Variants in UGGT2 observed in about 807,000 individuals in gnomAD.
The protein encoded by UGGT2 is UDP-glucose:glycoprotein glucosyltransferase 2.
In UGGT2, 180 loss-of-function variants were observed where a neutral mutation model predicts 192.1. The observed-to-expected ratio is 0.94, with a 90% CI of 0.83 to 1.06. The LOEUF (loss-of-function observed/expected upper bound fraction) is 1.06. Ranked by LOEUF, UGGT2 falls within the 50% of genes least tolerant of loss-of-function variation. The pLI is 0.00. For synonymous variants in UGGT2, 580 were observed against 591.0 expected, an observed-to-expected ratio of 0.98 and a Z score of 0.27; for missense variants, 1,849 against 1,795.7, an observed-to-expected ratio of 1.03 and a Z score of -0.54.
At chr13:96,051,650 A>C (rs1056946871) in intron 1 of UGGT2, among the ~76,000 whole-genome samples, 1 of 151,956 alleles carries the variant, frequency 6.6e-6, no homozygotes. Context: ...GAAAAAAAAA[A>C]CAGTCCCATC....
chr13:95,822,014 CTTTT>C (rs1411100477), intron 38 of UGGT2, among the ~76,000 whole-genome samples: 1 of 151,942 alleles, frequency 6.6e-6, no homozygotes, highest in Non-Finnish European at 1.5e-5. Flanking sequence ...CAGATTTGTT[CTTTT>C]TGTTTAGGAT....
intron 27 of UGGT2, among the ~76,000 whole-genome samples, chr13:95,878,204 A>G (rs1026058942): frequency 6.6e-6 from 1 of 152,110 alleles, no homozygotes; most frequent in African/African-American, 2.4e-5. Context: ...AGACTTGGCA[A>G]GAAAGCTAAC....
At chr13:95,985,623 T>C (rs1204296913) in intron 9 of UGGT2, among the ~76,000 whole-genome samples, 2 of 152,180 alleles carry the variant, frequency 1.3e-5, no homozygotes, top group Non-Finnish European at 1.5e-5. Context: ...TCACATATTT[T>C]ATCTCTTTAG....
intron 1 of UGGT2, among the ~76,000 whole-genome samples, chr13:96,049,664 A>G (rs2139239931): frequency 6.6e-6 from 1 of 152,316 alleles, no homozygotes; most frequent in South Asian, 2.1e-4. Context: ...CAAAAATCAC[A>G]AGCATTGCTC....
chr13:95,862,854 TATATTCC>T (rs1594176650), intron 31 of UGGT2, among the ~76,000 whole-genome samples: 1 of 152,050 alleles, frequency 6.6e-6, no homozygotes, highest in East Asian at 1.9e-4. Flanking sequence ...TCTGAGACAA[TATATTCC>T]TTATGTATGT....
At chr13:96,044,606 T>C (rs1400092840) in intron 1 of UGGT2, among the ~76,000 whole-genome samples, 1 of 151,994 alleles carries the variant, frequency 6.6e-6, no homozygotes, top group Non-Finnish European at 1.5e-5. Context: ...ATTAGCAAGA[T>C]TAAACAAGAA....
At chr13:95,887,350 GA>G in intron 26 of UGGT2, 1 of 506,582 alleles carries the variant, frequency 2.0e-6, no homozygotes, top group South Asian at 1.5e-5. Flanking sequence ...GAATGACAGT[GA>G]TTCTGATCCA....
intron 22 of UGGT2, 67 bp downstream of exon 22, chr13:95,900,735 GTGACA>G (rs1161063644): frequency 1.4e-6 from 2 of 1,466,448 alleles, no homozygotes; most frequent in African/African-American, 2.8e-5. Flanking sequence ...CAGGGGAATT[GTGACA>G]GAAAAAAGGC....
chr13:96,020,963 C>T (rs1038648266), intron 4 of UGGT2, among the ~76,000 whole-genome samples: 3 of 152,164 alleles, frequency 2.0e-5, no homozygotes, highest in South Asian at 2.1e-4. Context: ...GCAGTATAAG[C>T]GTTACTATGC....
intron 36 of UGGT2, among the ~76,000 whole-genome samples, chr13:95,840,177 A>C (rs1308616067): frequency 6.6e-6 from 1 of 152,122 alleles, no homozygotes; most frequent in East Asian, 1.9e-4. Flanking sequence ...ACAGAAACAA[A>C]AGCCAAAATT....
intron 12 of UGGT2, among the ~76,000 whole-genome samples, chr13:95,958,711 G>T (rs1259720468): frequency 1.3e-5 from 2 of 151,788 alleles, no homozygotes; most frequent in African/African-American, 4.8e-5. Context: ...CTTCGAATAG[G>T]TCGTCTAAGG....
chr13:95,878,426 AT>A (rs895160590), intron 27 of UGGT2, among the ~76,000 whole-genome samples: 6 of 152,036 alleles, frequency 3.9e-5, no homozygotes, highest in Non-Finnish European at 5.9e-5. Flanking sequence ...GTCTTCATAA[AT>A]TTTTTTTGTA....
intron 20 of UGGT2, among the ~76,000 whole-genome samples, chr13:95,908,420 G>C (rs964840219): frequency 1.3e-5 from 2 of 152,120 alleles, no homozygotes; most frequent in East Asian, 3.9e-4. Flanking sequence ...TACTCCTCAA[G>C]AAGAACAACC....
intron 7 of UGGT2, among the ~76,000 whole-genome samples, chr13:95,994,966 C>A (rs1026054824): frequency 1.3e-5 from 2 of 151,908 alleles, no homozygotes; most frequent in Non-Finnish European, 2.9e-5. Flanking sequence ...CCATAGGTAT[C>A]GAAAGTCTTA....
intron 17 of UGGT2, among the ~76,000 whole-genome samples, chr13:95,934,463 GAT>G (rs1336835179): frequency 6.6e-6 from 1 of 152,176 alleles, no homozygotes; most frequent in Non-Finnish European, 1.5e-5. Context: ...TCTAACACAC[GAT>G]AGAAATGGCA....
chr13:95,982,672 C>T (rs2051166305), intron 10 of UGGT2, among the ~76,000 whole-genome samples: 1 of 152,084 alleles, frequency 6.6e-6, no homozygotes, highest in Non-Finnish European at 1.5e-5. Context: ...GTTCTCCTTT[C>T]TCTTTCTTTT....
intron 20 of UGGT2, among the ~76,000 whole-genome samples, chr13:95,919,264 T>G (rs2048773024): frequency 6.6e-6 from 1 of 152,198 alleles, no homozygotes; most frequent in South Asian, 2.1e-4. Flanking sequence ...AATATCATAC[T>G]GAATGGGCAA....
intron 4 of UGGT2, among the ~76,000 whole-genome samples, chr13:96,022,340 AGT>A (rs1434326560): frequency 3.3e-5 from 5 of 152,144 alleles, no homozygotes; most frequent in African/African-American, 1.2e-4. Context: ...AAAAACTGTT[AGT>A]ATAAAAACAA....
intron 20 of UGGT2, among the ~76,000 whole-genome samples, chr13:95,912,297 G>A (rs1164100117): frequency 2.0e-5 from 3 of 152,150 alleles, no homozygotes; most frequent in African/African-American, 7.2e-5. Context: ...AAGTCAAATT[G>A]TCCCTGTTTG....
Sources: gnomAD v4.1 joint callset for allele counts (sites outside exome capture counted in the v4.1 genomes callset) on GRCh38, gnomAD v4.1.1 for gene constraint, MANE v1.5 for transcripts, NCBI Gene and HGNC (gene_info 2026-07-23, HGNC 2026-07-21) for gene names.